KIAA0513: variants seen among roughly 807,000 people sequenced by gnomAD.
KIAA0513 encodes uncharacterized protein KIAA0513.
In KIAA0513, 39 loss-of-function variants were observed where a neutral mutation model predicts 56.5. That is an observed-to-expected ratio of 0.69 (90% CI 0.53 to 0.90). The LOEUF (loss-of-function observed/expected upper bound fraction) is 0.90, where lower values mean the gene tolerates loss of function less well. Among genes scored for constraint, KIAA0513 ranks in the 40% least tolerant of loss-of-function variants. The pLI is 0.00. For synonymous variants in KIAA0513, 268 were observed against 215.6 expected (o/e 1.24, Z -2.13); for missense variants, 591 against 535.2 (o/e 1.10, Z -1.03).
chr16:85,054,765 C>T (rs939326994), intron 1 of KIAA0513, among the ~76,000 whole-genome samples: 3 of 151,674 alleles, frequency 2.0e-5, no homozygotes, highest in African/African-American at 7.3e-5. Flanking sequence ...ATCCTGTCGC[C>T]AGCAGTGTGC....
At chr16:85,061,835 G>A (rs1324960538) in intron 1 of KIAA0513, among the ~76,000 whole-genome samples, 1 of 152,160 alleles carries the variant, frequency 6.6e-6, no homozygotes, top group African/African-American at 2.4e-5. Flanking sequence ...GGCGGAAGGG[G>A]TTGCAGCAGG....
chr16:85,075,748 G>A, intron 4 of KIAA0513, 96 bp from the exon 5 acceptor site: 1 of 994,880 alleles, frequency 1.0e-6, no homozygotes, highest in South Asian at 1.3e-5. Flanking sequence ...ATATTAATTG[G>A]GACGCATGTG....
At chr16:85,057,508 C>T (rs1221469072) in intron 1 of KIAA0513, among the ~76,000 whole-genome samples, 1 of 152,160 alleles carries the variant, frequency 6.6e-6, no homozygotes, top group Admixed American at 6.5e-5. Context: ...GGGTGGAGCT[C>T]ACCTTTGCTG....
At chr16:85,049,475 GA>G (rs2073217982) in intron 1 of KIAA0513, among the ~76,000 whole-genome samples, 1 of 152,198 alleles carries the variant, frequency 6.6e-6, no homozygotes, top group South Asian at 2.1e-4. Context: ...TTGGAGGTGG[GA>G]GGTGATTGTA....
chr16:85,059,795 C>T (rs2073378654), intron 1 of KIAA0513, among the ~76,000 whole-genome samples: 1 of 152,224 alleles, frequency 6.6e-6, no homozygotes. Flanking sequence ...CTGGGAGGAC[C>T]ATAACCTATT....
rs578194171 is a variant in KIAA0513, at chr16:85,081,116, C to G, written c.903-199C>G. 6.6e-6 allele frequency among the ~76,000 whole-genome samples: 1 copy of G among 152,212 alleles called. No homozygotes were observed. Among genetic ancestry groups the G allele is most frequent in the Non-Finnish European group, 1.5e-5 (1 of 68,042 alleles). ...CCATCTCTCCTAAGAGATACGCAGC[C>G]GCTGGGAGCCCCAGGGAAACAGCTG... On this transcript the variant is annotated intron_variant, in intron 8 of 12. Coordinates refer to ENST00000683363, the MANE Select transcript of KIAA0513 (RefSeq NM_001388359.1). This position sits in a 1 kb window ranked among gnomAD's most constrained non-coding sequence, Gnocchi z 4.4.
chr16:85,028,192 C>T (rs2072915123), intron 1 of KIAA0513, among the ~76,000 whole-genome samples: 1 of 152,226 alleles, frequency 6.6e-6, no homozygotes. Context: ...GCGCCCCCAA[C>T]CCCGGGGCAG....
intron 4 of KIAA0513, among the ~76,000 whole-genome samples, chr16:85,074,558 T>A (rs1385308891): frequency 6.6e-6 from 1 of 152,176 alleles, no homozygotes; most frequent in Non-Finnish European, 1.5e-5. Context: ...GGGCATATAC[T>A]GGAAGAAGAC....
Position 85,071,780 on chromosome 16 carries a change from T to TTG in KIAA0513, c.330-3_330-2insTG. 6.4e-7 allele frequency: 1 copy of TTG among 1,567,882 alleles called. No individual in the cohort carries two copies. The stretch of plus-strand genomic sequence containing the variant: ...TTCCTCTGCTCTTTTTTTTTTTTTT[T>TTG]AGGGAGGACTTGGATCAGGAGGAGA... On this transcript the variant is annotated splice_polypyrimidine_tract_variant and splice_region_variant and intron_variant, in intron 2 of 12. Transcript: ENST00000683363.
At chr16:85,072,806 A>G (rs1451189624) in intron 3 of KIAA0513, 119 bp from the exon 4 acceptor site, 10 of 985,802 alleles carry the variant, frequency 1.0e-5, no homozygotes, top group Non-Finnish European at 1.6e-5. Context: ...GGCAGCAGAC[A>G]TCCTGGGCCC....
At chr16:85,037,767 A>T (rs2073054239) in intron 1 of KIAA0513, among the ~76,000 whole-genome samples, 1 of 152,194 alleles carries the variant, frequency 6.6e-6, no homozygotes, top group Non-Finnish European at 1.5e-5. Flanking sequence ...ACATAATCAG[A>T]AATTTAATGG....
In KIAA0513 at chr16:85,038,504, C is replaced by G. The variant is rs551834528; in HGVS notation, c.-173+10646C>G. Among the ~76,000 whole-genome samples, 485 of 151,942 alleles carry G rather than the reference C, an allele frequency of 3.2e-3. 2 individuals are homozygous for G. Among genetic ancestry groups the G allele is most frequent in the African/African-American group, 0.011 (455 of 41,428 alleles). ...GGTGGATCACTTGAGGTCAGGAGTT[C>G]CAGACCGGTCTGACCAACACAGTGA... On this transcript the variant is annotated intron_variant, in intron 1 of 12. Transcript: ENST00000683363.
At chr16:85,067,899 C>G (rs934902160) in intron 2 of KIAA0513, among the ~76,000 whole-genome samples, 1 of 151,848 alleles carries the variant, frequency 6.6e-6, no homozygotes, top group African/African-American at 2.4e-5. Context: ...CAAGCTCTGC[C>G]TCCCAGGTTT....
intron 1 of KIAA0513, among the ~76,000 whole-genome samples, chr16:85,042,915 C>T (rs1342303564): frequency 2.0e-5 from 3 of 152,114 alleles, no homozygotes; most frequent in Admixed American, 2.0e-4. Flanking sequence ...TCTGAAATTG[C>T]CATCCTTTTA....
chr16:85,032,031 C>T (rs1413589726), intron 1 of KIAA0513, among the ~76,000 whole-genome samples: 1 of 152,176 alleles, frequency 6.6e-6, no homozygotes, highest in Admixed American at 6.6e-5. Flanking sequence ...GGGCTTAAAG[C>T]AACCGAAATT....
intron 9 of KIAA0513, 127 bp from the exon 10 acceptor site, chr16:85,082,437 G>A: frequency 1.2e-6 from 1 of 855,626 alleles, no homozygotes. Context: ...GAATATTCCT[G>A]TCTTTCTCTG....
chr16:85,045,151 AAAGC>A (rs1340826500), intron 1 of KIAA0513, among the ~76,000 whole-genome samples: 5 of 151,742 alleles, frequency 3.3e-5, no homozygotes, highest in Admixed American at 2.0e-4. Context: ...AAAAAAAAAG[AAAGC>A]ATCTGTCCCT....
In KIAA0513 at chr16:85,076,810, G is replaced by A. The variant is rs906013723; in HGVS notation, c.575-615G>A. Among the ~76,000 whole-genome samples, 3 of 152,254 alleles carry A rather than the reference G, an allele frequency of 2.0e-5. No individual in the cohort carries two copies. Among genetic ancestry groups the A allele is most frequent in the Non-Finnish European group, 4.4e-5 (3 of 67,998 alleles). ...CTGTGGCTCCTCCTTTTTGAAGAAC[G>A]GATAGACACATAATGAATAGACACT... is the stretch of plus-strand genomic sequence containing the variant. On this transcript the variant is annotated intron_variant, in intron 5 of 12. Transcript: ENST00000683363. The surrounding 1 kb of genome is among the most constrained non-coding windows in gnomAD (Gnocchi z 4.7).
intron 1 of KIAA0513, among the ~76,000 whole-genome samples, chr16:85,029,314 C>T (rs1026519135): frequency 5.3e-5 from 8 of 152,162 alleles, no homozygotes; most frequent in African/African-American, 1.9e-4. Flanking sequence ...TACATTCTGA[C>T]GTTTCTGGCC....
Sources: allele counts gnomAD v4.1 joint callset (sites outside exome capture counted in the v4.1 genomes callset), GRCh38; gene constraint gnomAD v4.1.1; non-coding constraint Gnocchi (gnomAD v3.1); transcripts MANE v1.5; gene names NCBI Gene and HGNC (gene_info 2026-07-23, HGNC 2026-07-21).